The following CERS6 variants were observed in gnomAD, a reference collection of about 807,000 sequenced individuals.
CERS6 encodes the protein ceramide synthase 6, also known as LAG1 homolog, ceramide synthase 6.
Under a neutral mutation model 56.8 loss-of-function variants are expected in CERS6, and 26 were observed. The observed-to-expected ratio is 0.46, with a 90% confidence interval of 0.34 to 0.63. CERS6 has a LOEUF of 0.63. Ranked by LOEUF, CERS6 falls within the 30% of genes least tolerant of loss-of-function variation. The pLI is 0.01. For synonymous variants in CERS6, 164 were observed against 173.3 expected, an observed-to-expected ratio of 0.95 and a Z score of 0.42; for missense variants, 415 against 467.5, an observed-to-expected ratio of 0.89 and a Z score of 1.04.
chr2:168,652,678 A>T (rs1330743843), intron 4 of CERS6, among the ~76,000 whole-genome samples: 2 of 151,894 alleles, frequency 1.3e-5, no homozygotes, highest in African/African-American at 4.8e-5. Context: ...ATTTGCAAGT[A>T]GGAAAAATAA....
At chr2:168,560,713 A>AT (rs1438487829) in intron 2 of CERS6, among the ~76,000 whole-genome samples, 4 of 152,060 alleles carry the variant, frequency 2.6e-5, no homozygotes, top group South Asian at 2.1e-4. Flanking sequence ...GCACTTTAGG[A>AT]TTTTTTTCCA....
intron 1 of CERS6, among the ~76,000 whole-genome samples, chr2:168,529,072 C>A (rs1695120940): frequency 6.6e-6 from 1 of 152,224 alleles, no homozygotes; most frequent in Non-Finnish European, 1.5e-5. Context: ...TCTGTCATGG[C>A]ATCCATTGTG....
At chr2:168,653,602 T>G (rs1685397592) in intron 4 of CERS6, among the ~76,000 whole-genome samples, 1 of 152,234 alleles carries the variant, frequency 6.6e-6, no homozygotes, top group Non-Finnish European at 1.5e-5. Context: ...TCTTCCATCC[T>G]TAGGTTTATC....
rs961924691 is a variant in CERS6 at position 168,561,271 on chromosome 2, A to G, written c.356A>G (p.Gln119Arg). ...DVRSIQRWFR[Q>R]RRNQEKPSTL... ...CGAAGCATTCAGCGCTGGTTTCGACAAAGACGCAATCAGGAGAAGCCAAGC... is the reference window on the plus strand; with the variant it reads ...CGAAGCATTCAGCGCTGGTTTCGACGAAGACGCAATCAGGAGAAGCCAAGC... Residue 119 changes from glutamine to arginine, a missense_variant, in exon 3 of 10, where the codon CAA becomes CGA. By Grantham distance (43) the Gln-to-Arg change is conservative. Transcript: ENST00000305747. 6.2e-7 allele frequency: 1 copy of G among 1,614,168 alleles called. No individual in the cohort carries two copies. The highest frequency in any genetic ancestry group is 1.7e-5 in the Admixed American group (1 of 60,030).
chr2:168,631,932 C>T (rs1453788627), intron 4 of CERS6, among the ~76,000 whole-genome samples: 1 of 144,334 alleles, frequency 6.9e-6, no homozygotes, highest in Non-Finnish European at 1.5e-5. Flanking sequence ...TCTCTCTCGC[C>T]TAGTTACTAA....
intron 3 of CERS6, among the ~76,000 whole-genome samples, chr2:168,601,588 C>T (rs1437794983): frequency 6.6e-6 from 1 of 151,074 alleles, no homozygotes; most frequent in Non-Finnish European, 1.5e-5. Flanking sequence ...CTCGCTCTGT[C>T]GCCCAGGCTG....
intron 4 of CERS6, among the ~76,000 whole-genome samples, chr2:168,678,557 T>C (rs1257441008): frequency 6.6e-6 from 1 of 152,156 alleles, no homozygotes; most frequent in Non-Finnish European, 1.5e-5. Flanking sequence ...CCCTGAGTAG[T>C]TGTTCAATGT....
Position 168,456,483 on chromosome 2 carries a change from G to C in CERS6, c.35G>C (p.Arg12Thr). 6.2e-7 allele frequency: 1 copy of C among 1,613,972 alleles called. No homozygotes were observed. The highest frequency in any genetic ancestry group is 8.5e-7 in the Non-Finnish European group (1 of 1,179,894). ...AGILAWFWNE[R>T]FWLPHNVTWA... ...ATCTTAGCCTGGTTCTGGAACGAGA[G>C]GTTTTGGCTCCCGCACAATGTCACC... Residue 12 changes from arginine (R) to threonine (T), a missense_variant, in exon 1 of 10, where the codon AGG (arginine) becomes ACG (threonine). Arg to Thr is a moderately conservative substitution (Grantham distance 71, BLOSUM62 -1). Transcript: ENST00000305747. The surrounding 1 kb of genome is among the most constrained non-coding windows in gnomAD (Gnocchi z 4.1).
intron 1 of CERS6, among the ~76,000 whole-genome samples, chr2:168,527,835 C>A (rs1221382631): frequency 6.6e-6 from 1 of 152,192 alleles, no homozygotes; most frequent in Non-Finnish European, 1.5e-5. Flanking sequence ...ATCTTCCCAC[C>A]TCAACCTCCC....
intron 4 of CERS6, among the ~76,000 whole-genome samples, chr2:168,688,674 A>G (rs773438150): frequency 2.0e-5 from 3 of 152,200 alleles, no homozygotes; most frequent in Non-Finnish European, 4.4e-5. Context: ...ATATGTGAAC[A>G]TGCATTCTGT....
chr2:168,481,964 A>C (rs1371570066), intron 1 of CERS6, among the ~76,000 whole-genome samples: 1 of 152,224 alleles, frequency 6.6e-6, no homozygotes, highest in Non-Finnish European at 1.5e-5. Flanking sequence ...CTTCAGAGGA[A>C]ATCTTTAAAA....
chr2:168,648,200 G>A (rs1248513752), intron 4 of CERS6, among the ~76,000 whole-genome samples: 1 of 152,050 alleles, frequency 6.6e-6, no homozygotes, highest in Admixed American at 6.6e-5. Flanking sequence ...TTCAGAGCTC[G>A]TTACTGGTCT....
chr2:168,657,351 A>G (rs1332133088), intron 4 of CERS6, among the ~76,000 whole-genome samples: 1 of 152,280 alleles, frequency 6.6e-6, no homozygotes, highest in Non-Finnish European at 1.5e-5. Context: ...CGTCCCCACC[A>G]GACTCAGGAG....
chr2:168,547,519 G>A (rs1695488423), intron 1 of CERS6, 77 bp from the exon 2 acceptor site: 1 of 740,262 alleles, frequency 1.4e-6, no homozygotes. Flanking sequence ...ATTGAGTAAT[G>A]TGTAACTGGT....
chr2:168,502,457 G>A (rs1326231046), intron 1 of CERS6, among the ~76,000 whole-genome samples: 3 of 152,038 alleles, frequency 2.0e-5, no homozygotes, highest in East Asian at 1.9e-4. Context: ...ACAGGTTATC[G>A]CTAAAGTGAT....
chr2:168,485,349 AT>A (rs1265570543), intron 1 of CERS6, among the ~76,000 whole-genome samples: 19 of 152,188 alleles, frequency 1.2e-4, no homozygotes, highest in African/African-American at 4.3e-4. Flanking sequence ...ATACATTATT[AT>A]TAACTAAAGT....
At chr2:168,609,202 C>T (rs970641835) in intron 3 of CERS6, among the ~76,000 whole-genome samples, 3 of 152,156 alleles carry the variant, frequency 2.0e-5, no homozygotes, top group Admixed American at 2.0e-4. Context: ...CCCCACCTAC[C>T]CACTGCAGTC....
At chr2:168,483,452 C>T (rs1369649738) in intron 1 of CERS6, among the ~76,000 whole-genome samples, 1 of 152,112 alleles carries the variant, frequency 6.6e-6, no homozygotes, top group Non-Finnish European at 1.5e-5. Flanking sequence ...GAGGGCCAAT[C>T]TCTTTCTAGA....
intron 1 of CERS6, among the ~76,000 whole-genome samples, chr2:168,506,527 A>G (rs1269358785): frequency 1.3e-5 from 2 of 152,214 alleles, no homozygotes; most frequent in African/African-American, 4.8e-5. Flanking sequence ...GCTGATAGAC[A>G]TTTATAATTA....
Sources: gnomAD v4.1 joint callset for allele counts (sites outside exome capture counted in the v4.1 genomes callset) on GRCh38, gnomAD v4.1.1 for gene constraint, Gnocchi (gnomAD v3.1) non-coding constraint, MANE v1.5 for transcripts, NCBI Gene and HGNC (gene_info 2026-07-23, HGNC 2026-07-21) for gene names.